The following TTBK2 variants were observed in gnomAD, a reference collection of about 807,000 sequenced individuals.
TTBK2 encodes the protein tau-tubulin kinase 2.
TTBK2 carries 28 observed loss-of-function variants against 110.8 expected under a neutral mutation model. The observed-to-expected ratio is 0.25, with a 90% CI of 0.19 to 0.35. The LOEUF is 0.35. Ranked by LOEUF, TTBK2 falls within the 10% of genes least tolerant of loss-of-function variation. The probability of loss-of-function intolerance (pLI) is 1.00; values close to 1 mark genes in which losing one functional copy is unlikely to be tolerated. For synonymous variants in TTBK2, 532 were observed against 527.3 expected (o/e 1.01, Z -0.12); for missense variants, 1,369 against 1,500.3 (o/e 0.91, Z 1.45).
chr15:42,907,612 G>A (rs2030482320), intron 1 of TTBK2, among the ~76,000 whole-genome samples: 1 of 152,084 alleles, frequency 6.6e-6, no homozygotes, highest in South Asian at 2.1e-4. Flanking sequence ...AGCTAAAAGA[G>A]TAATCTCATG....
chr15:42,913,052 G>A (rs1165434293), intron 1 of TTBK2, among the ~76,000 whole-genome samples: 6 of 147,440 alleles, frequency 4.1e-5, no homozygotes, highest in African/African-American at 1.3e-4. Context: ...GTGAACCCGG[G>A]AAGCGGAGCT....
At chr15:42,821,653 G>A (rs1892301198) in intron 6 of TTBK2, among the ~76,000 whole-genome samples, 1 of 151,524 alleles carries the variant, frequency 6.6e-6, no homozygotes, top group African/African-American at 2.4e-5. Context: ...CTAACTGGTA[G>A]GCAGTGGTAT....
In TTBK2 at chr15:42,752,279, C is replaced by G. The variant is rs1431529681; in HGVS notation, c.2967G>C (p.Lys989Asn). Residue 989 changes from lysine to asparagine, a missense_variant, in exon 14 of 15, where the codon AAG becomes AAC. Around this residue, in one of 4 missense-constraint regions of TTBK2, gnomAD observed 1,097 missense variants for 1,114.7 expected, o/e 0.98. Coordinates refer to ENST00000267890, the MANE Select transcript of TTBK2 (RefSeq NM_173500.4). ...VKLLVEKRQF[K>N]SFLGDLSSAS... ...CACTTGAGAGGTCGCCAAGGAAGGA[C>G]TTGAATTGTCTTTTTTCCACCAGAA... is the stretch of plus-strand genomic sequence containing the variant. 9 of 1,614,180 alleles carry G rather than the reference C, an allele frequency of 5.6e-6. No individual in the cohort carries two copies. The highest frequency in any genetic ancestry group is 5.0e-5 in the Admixed American group (3 of 60,018).
chr15:42,847,927 A>C (rs1021418188), intron 3 of TTBK2, among the ~76,000 whole-genome samples: 1 of 152,138 alleles, frequency 6.6e-6, no homozygotes, highest in Non-Finnish European at 1.5e-5. Context: ...ATCATAGTGC[A>C]CTCAAACTCC....
chr15:42,852,592 T>C (rs548462124), intron 3 of TTBK2, among the ~76,000 whole-genome samples: 1 of 152,336 alleles, frequency 6.6e-6, no homozygotes, highest in African/African-American at 2.4e-5. Context: ...GACACACATA[T>C]TCTATTCCAT....
chr15:42,879,419 A>G (rs1195699072), intron 1 of TTBK2, among the ~76,000 whole-genome samples: 1 of 152,198 alleles, frequency 6.6e-6, no homozygotes, highest in Non-Finnish European at 1.5e-5. Flanking sequence ...TTTTAAAAAG[A>G]AAGAAAGAAG....
chr15:42,884,663 G>C (rs552174028), intron 1 of TTBK2, among the ~76,000 whole-genome samples: 1 of 152,306 alleles, frequency 6.6e-6, no homozygotes, highest in Admixed American at 6.5e-5. Context: ...GATGCTGAAG[G>C]TTGAGTAGAT....
intron 3 of TTBK2, among the ~76,000 whole-genome samples, chr15:42,863,164 A>T (rs763855631): frequency 2.0e-5 from 3 of 152,160 alleles, no homozygotes; most frequent in Non-Finnish European, 2.9e-5. Context: ...CACCTAGAAC[A>T]CCCTAAAGAT....
At chr15:42,791,426 C>T (rs1890677740) in intron 10 of TTBK2, among the ~76,000 whole-genome samples, 1 of 152,208 alleles carries the variant, frequency 6.6e-6, no homozygotes, top group Admixed American at 6.5e-5. Flanking sequence ...TATTTCTTCT[C>T]TGCCTTCAAT....
intron 3 of TTBK2, among the ~76,000 whole-genome samples, chr15:42,869,195 C>A (rs2141107515): frequency 6.6e-6 from 1 of 152,188 alleles, no homozygotes; most frequent in East Asian, 1.9e-4. Context: ...TCAAGCGATT[C>A]TCATACCTCA....
intron 1 of TTBK2, among the ~76,000 whole-genome samples, chr15:42,890,462 A>G (rs1895413051): frequency 1.3e-5 from 2 of 152,234 alleles, no homozygotes; most frequent in Admixed American, 6.5e-5. Context: ...CTTCACCTGT[A>G]TCCTCATTTA....
At chr15:42,772,494 T>C (rs1271503640) in intron 13 of TTBK2, among the ~76,000 whole-genome samples, 1 of 152,198 alleles carries the variant, frequency 6.6e-6, no homozygotes, top group Non-Finnish European at 1.5e-5. Context: ...ACTAAGCCAC[T>C]CTTGCATTTC....
intron 3 of TTBK2, among the ~76,000 whole-genome samples, chr15:42,842,738 C>A (rs1595974414): frequency 1.3e-5 from 2 of 150,940 alleles, no homozygotes; most frequent in African/African-American, 4.9e-5. Context: ...AAAAAAAAGA[C>A]TCATTTTTTT....
chr15:42,772,272 C>G (rs1225968589), intron 13 of TTBK2, among the ~76,000 whole-genome samples: 1 of 152,050 alleles, frequency 6.6e-6, no homozygotes, highest in African/African-American at 2.4e-5. Flanking sequence ...CTGGGAAAGC[C>G]AGATGTCATG....
At chr15:42,754,164 A>G (rs959926842) in intron 13 of TTBK2, among the ~76,000 whole-genome samples, 1 of 150,816 alleles carries the variant, frequency 6.6e-6, no homozygotes, top group African/African-American at 2.4e-5. Flanking sequence ...GCTTACTGCA[A>G]CCTCTGCTTT....
intron 8 of TTBK2, among the ~76,000 whole-genome samples, chr15:42,811,145 C>T (rs1891703068): frequency 1.3e-5 from 2 of 152,128 alleles, no homozygotes; most frequent in Admixed American, 1.3e-4. Flanking sequence ...CACTTGCCAC[C>T]ATGCCCAGCT....
rs563657904 is a variant in TTBK2, at chr15:42,765,590, C to A, written c.1998+9545G>T. Reference sequence around the variant, plus strand: ...AGAAAAAAGAGTAAAAAGAAATGAACAAAGCCTCCAAGAAATATCGGACTA... The same window carrying A: ...AGAAAAAAGAGTAAAAAGAAATGAAAAAAGCCTCCAAGAAATATCGGACTA... On this transcript the variant is annotated intron_variant, in intron 13 of 14. Transcript: ENST00000267890. Among the ~76,000 whole-genome samples, 4 of 152,280 alleles carry A rather than the reference C, an allele frequency of 2.6e-5. No homozygotes were observed. In the South Asian group the frequency reaches 8.3e-4, roughly 32 times the overall value.
chr15:42,822,634 G>A (rs1215927391), intron 6 of TTBK2, among the ~76,000 whole-genome samples: 1 of 152,068 alleles, frequency 6.6e-6, no homozygotes, highest in Non-Finnish European at 1.5e-5. Context: ...GTCAGATTAA[G>A]GAAGGACTTA....
intron 3 of TTBK2, among the ~76,000 whole-genome samples, chr15:42,869,358 G>C (rs1277915797): frequency 2.6e-5 from 4 of 151,036 alleles, no homozygotes; most frequent in African/African-American, 7.3e-5. Flanking sequence ...CGAAGTGCTG[G>C]GATTACAGGC....
Sources: gnomAD v4.1 joint callset for allele counts (sites outside exome capture counted in the v4.1 genomes callset) on GRCh38, gnomAD v4.1.1 for gene constraint, gnomAD v4.1.1 regional missense constraint, MANE v1.5 for transcripts, NCBI Gene and HGNC (gene_info 2026-07-23, HGNC 2026-07-21) for gene names.